The following FOXP1 variants were observed in gnomAD, a reference collection of about 807,000 sequenced individuals.
FOXP1 encodes the protein forkhead box protein P1.
Under a neutral mutation model 98.2 loss-of-function variants are expected in FOXP1, and 15 were observed. That is an observed-to-expected ratio of 0.15 (90% CI 0.10 to 0.24). The LOEUF (loss-of-function observed/expected upper bound fraction) is 0.24, where lower values mean the gene tolerates loss of function less well. FOXP1 is among the 10% of genes least tolerant of loss of function. The pLI, the probability that FOXP1 is intolerant of heterozygous loss-of-function variation, is 1.00. For synonymous variants in FOXP1, 371 were observed against 314.5 expected (o/e 1.18, Z -1.90); for missense variants, 633 against 848.5 (o/e 0.75, Z 3.15).
At chr3:71,081,907 T>C (rs2054461716) in intron 7 of FOXP1, among the ~76,000 whole-genome samples, 1 of 152,246 alleles carries the variant, frequency 6.6e-6, no homozygotes, top group Admixed American at 6.5e-5. Context: ...TTAGTTCCTC[T>C]AACATATTAT....
chr3:71,161,999 T>G (rs947405560), intron 6 of FOXP1, among the ~76,000 whole-genome samples: 5 of 152,186 alleles, frequency 3.3e-5, no homozygotes, highest in African/African-American at 1.2e-4. Flanking sequence ...GCTCCCTTAG[T>G]ATAGATAAGT....
rs71104433 is a variant in FOXP1 at position 71,262,264 on chromosome 3, C to CAA, written c.-12+37554_-12+37555dup. On this transcript the variant is annotated intron_variant, in intron 5 of 20. Coordinates refer to ENST00000649528, the MANE Select transcript of FOXP1 (RefSeq NM_001349338.3). ...CTGGCAACAGGACAAGACTCTGTCA[C>CAA]AAAAAAAAAAAAAAAAAAAAAAAAA... 2.3e-3 allele frequency among the ~76,000 whole-genome samples: 59 copies of CAA among 25,714 alleles called. 14 individuals are homozygous for CAA. The highest frequency in any genetic ancestry group is 4.4e-3 in the African/African-American group (33 of 7,426). 16.9% of individuals were successfully genotyped at this position (25,714 alleles called of 152,430 possible). A position where few individuals can be genotyped will look rare whatever the true frequency, so the allele number is the denominator to read the frequency against.
intron 12 of FOXP1, among the ~76,000 whole-genome samples, chr3:71,014,587 T>A (rs939484055): frequency 2.0e-5 from 3 of 152,204 alleles, no homozygotes; most frequent in Non-Finnish European, 4.4e-5. Flanking sequence ...AGTGTGGCGA[T>A]TCCTCGAGGA....
At chr3:71,528,048 CTT>C (rs1288335128) in intron 2 of FOXP1, among the ~76,000 whole-genome samples, 1 of 152,152 alleles carries the variant, frequency 6.6e-6, no homozygotes, top group Non-Finnish European at 1.5e-5. Context: ...AGCAAAGAGA[CTT>C]TGTGTATAGA....
chr3:71,356,216 A>C (rs1253604083), intron 4 of FOXP1, among the ~76,000 whole-genome samples: 3 of 141,686 alleles, frequency 2.1e-5, no homozygotes, highest in Non-Finnish European at 4.5e-5. Flanking sequence ...ACTAAGTCAA[A>C]AAAAAAAAAA....
intron 20 of FOXP1, among the ~76,000 whole-genome samples, chr3:70,964,769 T>C (rs1298912089): frequency 1.3e-5 from 2 of 152,200 alleles, no homozygotes; most frequent in Non-Finnish European, 2.9e-5. Context: ...CCAGAAAGGA[T>C]AGTAAAGATC....
At chr3:71,241,360 A>C (rs2106910475) in intron 5 of FOXP1, among the ~76,000 whole-genome samples, 1 of 152,334 alleles carries the variant, frequency 6.6e-6, no homozygotes, top group Non-Finnish European at 1.5e-5. Context: ...ATCATTTTAA[A>C]TAATAGGTCC....
chr3:71,391,973 C>T (rs749837237), intron 3 of FOXP1, among the ~76,000 whole-genome samples: 8 of 152,086 alleles, frequency 5.3e-5, no homozygotes, highest in South Asian at 2.1e-4. Flanking sequence ...TCCACACAGA[C>T]GAACATCTTA....
At chr3:70,999,295 G>T (rs2041815823) in intron 13 of FOXP1, among the ~76,000 whole-genome samples, 1 of 152,066 alleles carries the variant, frequency 6.6e-6, no homozygotes, top group Non-Finnish European at 1.5e-5. Context: ...TCACCATATT[G>T]GCCAGGCTGG....
At chr3:71,569,212 G>A (rs1294760894) in intron 2 of FOXP1, among the ~76,000 whole-genome samples, 1 of 152,196 alleles carries the variant, frequency 6.6e-6, no homozygotes, top group Non-Finnish European at 1.5e-5. Flanking sequence ...ATAGGGGTAT[G>A]AAGGGACAGG....
At chr3:70,970,678 A>C (rs924617283) in intron 19 of FOXP1, 58 bp downstream of exon 19, 1 of 1,305,490 alleles carries the variant, frequency 7.7e-7, no homozygotes, top group Non-Finnish European at 1.1e-6. Context: ...ATATATTTTG[A>C]AATGAGTAGG....
At chr3:71,540,344 TA>T (rs2044695419) in intron 2 of FOXP1, among the ~76,000 whole-genome samples, 1 of 151,814 alleles carries the variant, frequency 6.6e-6, no homozygotes, top group African/African-American at 2.4e-5. Flanking sequence ...CACCCAAAGG[TA>T]AAACAAGAAA....
At chr3:71,295,405 A>G (rs559843728) in intron 5 of FOXP1, among the ~76,000 whole-genome samples, 7 of 152,366 alleles carry the variant, frequency 4.6e-5, no homozygotes, top group Admixed American at 4.6e-4. Flanking sequence ...GAAATAATTT[A>G]TAATAGGTAA....
In FOXP1 at chr3:71,409,610, C is replaced by G. The variant is rs140865962; in HGVS notation, c.-167-50366G>C. The stretch of plus-strand genomic sequence containing the variant: ...CTTTGGAAAAAAAAAAAAGAGATCT[C>G]AGGCTATTCTGACATTAACAGTGAG... On this transcript the variant is annotated intron_variant, in intron 3 of 20. Coordinates refer to ENST00000649528, the MANE Select transcript of FOXP1 (RefSeq NM_001349338.3). 3.9e-3 allele frequency among the ~76,000 whole-genome samples: 591 copies of G among 151,770 alleles called. 12 individuals carry two copies. The highest frequency in any genetic ancestry group is 0.034 in the Admixed American group (526 of 15,266).
intron 7 of FOXP1, among the ~76,000 whole-genome samples, chr3:71,108,458 T>C (rs1311247438): frequency 6.6e-6 from 1 of 152,214 alleles, no homozygotes; most frequent in Non-Finnish European, 1.5e-5. Context: ...TTCAGAAGTA[T>C]ATAAATATTT....
intron 3 of FOXP1, among the ~76,000 whole-genome samples, chr3:71,441,938 C>T (rs1009350719): frequency 1.3e-5 from 2 of 152,214 alleles, no homozygotes; most frequent in African/African-American, 4.8e-5. Flanking sequence ...GTCATTTGCA[C>T]ATAATAAATC....
intron 12 of FOXP1, among the ~76,000 whole-genome samples, chr3:71,013,756 A>G (rs1034616419): frequency 1.3e-5 from 2 of 152,210 alleles, no homozygotes; most frequent in African/African-American, 4.8e-5. Flanking sequence ...ACTATACTAC[A>G]AGGCTACAGT....
intron 7 of FOXP1, among the ~76,000 whole-genome samples, chr3:71,081,791 T>G (rs776772534): frequency 2.0e-5 from 3 of 151,222 alleles, no homozygotes; most frequent in Admixed American, 6.5e-5. Context: ...TTGTCTACTA[T>G]GTAGCTAGAT....
chr3:71,048,454 T>C (rs556635456), intron 9 of FOXP1, among the ~76,000 whole-genome samples: 1 of 152,198 alleles, frequency 6.6e-6, no homozygotes, highest in Non-Finnish European at 1.5e-5. Flanking sequence ...ATCATTCTCA[T>C]ATTAGCAACC....
Sources: allele counts gnomAD v4.1 joint callset (sites outside exome capture counted in the v4.1 genomes callset), GRCh38; gene constraint gnomAD v4.1.1; transcripts MANE v1.5; gene names NCBI Gene and HGNC (gene_info 2026-07-23, HGNC 2026-07-21).